The following ATP11B variants were observed in gnomAD, a reference collection of about 807,000 sequenced individuals.
ATP11B encodes the protein ATPase phospholipid transporting 11B (putative).
In ATP11B, 81 loss-of-function variants were observed where a neutral mutation model predicts 157.8. The observed-to-expected ratio is 0.51, with a 90% CI of 0.43 to 0.62. The LOEUF is 0.62. Among genes scored for constraint, ATP11B ranks in the 20% least tolerant of loss-of-function variants. The pLI is 0.00. For missense variants in ATP11B, 1,165 were observed against 1,402.2 expected (o/e 0.83, Z 2.70); for synonymous variants, 451 against 469.4 (o/e 0.96, Z 0.51).
At chr3:182,802,198 G>C (rs907046479) in intron 1 of ATP11B, among the ~76,000 whole-genome samples, 2 of 152,064 alleles carry the variant, frequency 1.3e-5, no homozygotes, top group Admixed American at 1.3e-4. Context: ...GTCTTTCTCT[G>C]CCACCACCCT....
In ATP11B at chr3:182,793,713, C is replaced by T. The variant is rs1284405464; in HGVS notation, c.-47C>T. 2.2e-6 allele frequency: 3 copies of T among 1,366,424 alleles called. No individual in the cohort carries two copies. The highest frequency in any genetic ancestry group is 1.5e-5 in the African/African-American group (1 of 66,258). 84.6% of individuals were successfully genotyped at this position (1,366,424 alleles called of 1,614,324 possible). On this transcript the variant is annotated 5_prime_UTR_variant, in exon 1 of 30. Transcript: ENST00000323116. ...TGTCTTGTCGGCCTCCACCTGCAGC[C>T]CCGCGGCCCCCGCGCCCCGCGGGAC...
At chr3:182,793,954 G>A (rs1351215628) in intron 1 of ATP11B, among the ~76,000 whole-genome samples, 168 bp downstream of exon 1, 1 of 151,870 alleles carries the variant, frequency 6.6e-6, no homozygotes, top group African/African-American at 2.4e-5. Flanking sequence ...AGCCCCGTGC[G>A]GCTCCCGGGC....
At chr3:182,901,008 C>T (rs910891662) in intron 28 of ATP11B, among the ~76,000 whole-genome samples, 1 of 151,806 alleles carries the variant, frequency 6.6e-6, no homozygotes, top group East Asian at 1.9e-4. Context: ...GGTGAAACAC[C>T]GTCTCTACTA....
intron 26 of ATP11B, 47 bp downstream of exon 26, chr3:182,896,812 C>T (rs987242950): frequency 7.2e-7 from 1 of 1,396,740 alleles, no homozygotes; most frequent in African/African-American, 1.4e-5. Context: ...CAACTGTTTA[C>T]ATAGTTAGTT....
At position 182,865,464 on chromosome 3, in the gene ATP11B, C is replaced by T. The variant is rs905660602; in HGVS notation, c.1209C>T (p.Tyr403=). The change falls in exon 13 of 30, where the codon TAC becomes TAT. Residue 403 remains tyrosine, a synonymous_variant. Transcript: ENST00000323116. ...DLNEELGQVE[Y]VFTDKTGTLT... Reference sequence around the variant, plus strand: ...GTTTTCTATCTCTATAGGTAGAGTACGTGTTTACAGATAAAACTGGTACAC... The same window carrying T: ...GTTTTCTATCTCTATAGGTAGAGTATGTGTTTACAGATAAAACTGGTACAC... The T allele has an allele frequency of 1.5e-5, 25 of 1,612,950 alleles. No individual in the cohort carries two copies. Among genetic ancestry groups the T allele is most frequent in the Non-Finnish European group, 2.1e-5 (25 of 1,179,378 alleles).
intron 21 of ATP11B, among the ~76,000 whole-genome samples, chr3:182,882,461 C>A (rs1722490627): frequency 6.8e-6 from 1 of 147,332 alleles, no homozygotes; most frequent in African/African-American, 2.5e-5. Flanking sequence ...AGTAGGAAAA[C>A]AAATTATTTA....
chr3:182,854,752 TACACACACACACACACAC>T (rs71183649), intron 10 of ATP11B, among the ~76,000 whole-genome samples: 16,060 of 145,886 alleles, frequency 0.11, 959 homozygotes, highest in African/African-American at 0.12. Context: ...TGCATGTGTT[TACACACACACACACACAC>T]ACACACACAC....
intron 7 of ATP11B, among the ~76,000 whole-genome samples, chr3:182,840,790 T>G (rs1439581921): frequency 6.6e-6 from 1 of 152,200 alleles, no homozygotes; most frequent in Non-Finnish European, 1.5e-5. Flanking sequence ...CATCTTTTCC[T>G]AGTTTTGTCT....
At chr3:182,887,884 G>A (rs1436450669) in intron 24 of ATP11B, among the ~76,000 whole-genome samples, 171 bp downstream of exon 24, 1 of 152,014 alleles carries the variant, frequency 6.6e-6, no homozygotes, top group Non-Finnish European at 1.5e-5. Context: ...AGAGAAAATT[G>A]GAATAATTTT....
At chr3:182,821,829 C>T (rs1195264642) in intron 2 of ATP11B, among the ~76,000 whole-genome samples, 1 of 152,140 alleles carries the variant, frequency 6.6e-6, no homozygotes, top group African/African-American at 2.4e-5. Flanking sequence ...ATAACTATTG[C>T]CTGAAAGGGC....
At chr3:182,881,025 T>C in intron 21 of ATP11B, 44 bp downstream of exon 21, 7 of 1,410,136 alleles carry the variant, frequency 5.0e-6, no homozygotes, top group Non-Finnish European at 6.8e-6. Context: ...CTTTTAAAGT[T>C]GGTGGTATTA....
At chr3:182,905,682 T>C (rs984661822) in intron 28 of ATP11B, 9 of 434,632 alleles carry the variant, frequency 2.1e-5, no homozygotes, top group Admixed American at 1.7e-4. Flanking sequence ...TCTTTGAACA[T>C]TCTTTTGTGC....
At chr3:182,797,066 C>A (rs1715656418) in intron 1 of ATP11B, among the ~76,000 whole-genome samples, 1 of 152,206 alleles carries the variant, frequency 6.6e-6, no homozygotes, top group South Asian at 2.1e-4. Context: ...ATATTTTATA[C>A]TGGTACTTAA....
chr3:182,829,081 T>G (rs1450646743), intron 3 of ATP11B, among the ~76,000 whole-genome samples: 1 of 152,210 alleles, frequency 6.6e-6, no homozygotes, highest in African/African-American at 2.4e-5. Context: ...GACCGTTCGC[T>G]TGGCTTTCTT....
At chr3:182,828,049 ACTT>A in intron 2 of ATP11B, 68 bp from the exon 3 acceptor site, 1 of 635,654 alleles carries the variant, frequency 1.6e-6, no homozygotes, top group Non-Finnish European at 2.4e-6. Context: ...ATTTTACTTT[ACTT>A]CTTAATATTA....
chr3:182,833,686 T>G (rs1298544837), intron 4 of ATP11B: 2 of 152,148 alleles, frequency 1.3e-5, no homozygotes, highest in Non-Finnish European at 2.9e-5. Flanking sequence ...GGAAAAGGCA[T>G]GGATCATCTC....
intron 5 of ATP11B, 22 bp from the exon 6 acceptor site, chr3:182,836,320 T>G: frequency 6.2e-7 from 1 of 1,612,402 alleles, no homozygotes; most frequent in Non-Finnish European, 8.5e-7. Flanking sequence ...ATAAATTCAC[T>G]CTTCCCCAAA....
intron 19 of ATP11B, among the ~76,000 whole-genome samples, chr3:182,875,284 C>T (rs1721948056): frequency 1.3e-5 from 2 of 152,102 alleles, no homozygotes; most frequent in Admixed American, 1.3e-4. Flanking sequence ...GAGACAAATA[C>T]CATAGTTGTT....
chr3:182,898,271 A>C (rs1393199510), intron 27 of ATP11B, among the ~76,000 whole-genome samples: 1 of 152,134 alleles, frequency 6.6e-6, no homozygotes, highest in Non-Finnish European at 1.5e-5. Context: ...TAAGATTTGG[A>C]TAATCGGCCT....
Sources: allele counts gnomAD v4.1 joint callset (sites outside exome capture counted in the v4.1 genomes callset), GRCh38; gene constraint gnomAD v4.1.1; transcripts MANE v1.5; gene names NCBI Gene and HGNC (gene_info 2026-07-23, HGNC 2026-07-21).